The following ANO4 variants were observed in gnomAD, a reference collection of about 807,000 sequenced individuals.
ANO4 encodes the protein anoctamin 4.
Under a neutral mutation model 141.9 loss-of-function variants are expected in ANO4, and 69 were observed. That is an observed-to-expected ratio of 0.49 (90% CI 0.40 to 0.59). The LOEUF (loss-of-function observed/expected upper bound fraction) is 0.59. ANO4 is among the 20% of genes least tolerant of loss of function. The pLI is 0.00. For synonymous variants in ANO4, 350 were observed against 394.3 expected, an observed-to-expected ratio of 0.89 and a Z score of 1.33; for missense variants, 894 against 1,162.2, an observed-to-expected ratio of 0.77 and a Z score of 3.36.
chr12:101,079,691 GC>G (rs2049167787), intron 15 of ANO4, among the ~76,000 whole-genome samples: 1 of 152,174 alleles, frequency 6.6e-6, no homozygotes, highest in East Asian at 1.9e-4. Context: ...CCAGGACCGT[GC>G]CCAGGTGTGC....
rs139138626 is a variant in ANO4 at position 100,884,815 on chromosome 12, C to T, written c.-140-16831C>T. On this transcript the variant is annotated intron_variant, in intron 1 of 27. Transcript: ENST00000392977. ...ATTCAAGCGATTCTCCCGCCTCAGC[C>T]CCCCGAGTAGCTGGGATTACAGGCA... Among the ~76,000 whole-genome samples the T allele has an allele frequency of 3.6e-3, 546 of 152,314 alleles. 7 individuals are homozygous for T. Among genetic ancestry groups the T allele is most frequent in the African/African-American group, 0.012 (510 of 41,576 alleles).
chr12:101,065,469 G>T (rs2048541650), intron 14 of ANO4, among the ~76,000 whole-genome samples: 1 of 152,070 alleles, frequency 6.6e-6, no homozygotes, highest in South Asian at 2.1e-4. Flanking sequence ...ATTATTAGAG[G>T]ATACTATGAG....
chr12:100,787,089 A>G (rs1487393727), intron 3 of ANO4, among the ~76,000 whole-genome samples: 1 of 152,192 alleles, frequency 6.6e-6, no homozygotes, highest in Non-Finnish European at 1.5e-5. Context: ...GAGAGAGTTT[A>G]TCTCTTGGGA....
At chr12:100,905,545 A>G (rs992926362) in intron 2 of ANO4, among the ~76,000 whole-genome samples, 5 of 152,198 alleles carry the variant, frequency 3.3e-5, no homozygotes, top group East Asian at 1.9e-4. Context: ...GTGGAGGTCA[A>G]TGGTGATTTT....
chr12:100,788,271 A>G (rs1332164532), intron 3 of ANO4, among the ~76,000 whole-genome samples: 1 of 152,206 alleles, frequency 6.6e-6, no homozygotes, highest in Non-Finnish European at 1.5e-5. Context: ...CTTGGACCAG[A>G]TCGATTTTAA....
At chr12:101,014,476 G>A (rs1298325084) in intron 8 of ANO4, among the ~76,000 whole-genome samples, 1 of 152,140 alleles carries the variant, frequency 6.6e-6, no homozygotes. Flanking sequence ...TCATGAGCAG[G>A]CCAGCAAGGT....
At chr12:101,048,272 C>T (rs2136657824) in intron 13 of ANO4, 69 bp from the exon 14 acceptor site, 3 of 1,522,024 alleles carry the variant, frequency 2.0e-6, no homozygotes, top group Non-Finnish European at 2.7e-6. Flanking sequence ...TTTTACAGAA[C>T]TTGAAAAAAT....
intron 14 of ANO4, among the ~76,000 whole-genome samples, chr12:101,062,736 C>A (rs1243555009): frequency 1.3e-5 from 2 of 152,192 alleles, no homozygotes; most frequent in African/African-American, 2.4e-5. Flanking sequence ...CCCCTCCCCC[C>A]ACCAAGCTTG....
At chr12:100,969,084 C>CT (rs1276251218) in intron 5 of ANO4, among the ~76,000 whole-genome samples, 1 of 152,216 alleles carries the variant, frequency 6.6e-6, no homozygotes, top group African/African-American at 2.4e-5. Flanking sequence ...AGTGTTCACT[C>CT]TAAGAGTCAC....
chr12:100,907,319 T>G (rs1354228), intron 2 of ANO4, among the ~76,000 whole-genome samples: 86,595 of 152,010 alleles, frequency 0.57, 25,632 homozygotes, highest in East Asian at 0.89. Context: ...TCCTCTCTCA[T>G]CTTGGAATAT....
chr12:101,014,033 G>T (rs2046212399), intron 8 of ANO4, among the ~76,000 whole-genome samples: 1 of 152,186 alleles, frequency 6.6e-6, no homozygotes, highest in South Asian at 2.1e-4. Flanking sequence ...TGTTATCTAT[G>T]AAGGTGTAGG....
chr12:100,768,406 T>G (rs2033173213), intron 3 of ANO4, among the ~76,000 whole-genome samples: 1 of 152,236 alleles, frequency 6.6e-6, no homozygotes, highest in Non-Finnish European at 1.5e-5. Flanking sequence ...ATTCCTTGAC[T>G]CTTGTGAAGG....
chr12:100,989,870 AGATGGATG>A (rs569415039), intron 8 of ANO4, among the ~76,000 whole-genome samples: 2 of 136,926 alleles, frequency 1.5e-5, no homozygotes, highest in Non-Finnish European at 3.1e-5. Flanking sequence ...ATAGGTCACC[AGATGGATG>A]GATGGATGGA....
chr12:100,831,174 A>G (rs1281843763), intron 1 of ANO4, among the ~76,000 whole-genome samples: 1 of 152,048 alleles, frequency 6.6e-6, no homozygotes, highest in Non-Finnish European at 1.5e-5. Flanking sequence ...GTACTGGATG[A>G]CTTTTCCTTG....
At chr12:100,873,610 C>T (rs1419992750) in intron 1 of ANO4, among the ~76,000 whole-genome samples, 2 of 152,140 alleles carry the variant, frequency 1.3e-5, no homozygotes, top group Non-Finnish European at 1.5e-5. Context: ...GGTGTGGCTG[C>T]TTCTAGCAGC....
chr12:100,981,598 T>C (rs1313900310), intron 7 of ANO4, among the ~76,000 whole-genome samples: 1 of 152,206 alleles, frequency 6.6e-6, no homozygotes, highest in Non-Finnish European at 1.5e-5. Flanking sequence ...GATGCTATTA[T>C]TATAATATTC....
intron 1 of ANO4, among the ~76,000 whole-genome samples, chr12:100,728,477 C>T (rs987557360): frequency 2.0e-5 from 3 of 152,142 alleles, no homozygotes; most frequent in African/African-American, 7.2e-5. Context: ...CTGTCTTTGC[C>T]TCTGCTCTCA....
chr12:100,747,531 G>A (rs12828806), intron 3 of ANO4, among the ~76,000 whole-genome samples: 28,965 of 152,102 alleles, frequency 0.19, 3,207 homozygotes, highest in Non-Finnish European at 0.25. Flanking sequence ...CTCCTTCTCC[G>A]GCCTCACCAT....
chr12:100,892,488 G>T (rs1432549659), intron 1 of ANO4, among the ~76,000 whole-genome samples: 3 of 152,116 alleles, frequency 2.0e-5, no homozygotes, highest in Non-Finnish European at 4.4e-5. Flanking sequence ...CAAAATCAAC[G>T]TAACAGAAGT....
Sources: gnomAD v4.1 joint callset for allele counts (sites outside exome capture counted in the v4.1 genomes callset) on GRCh38, gnomAD v4.1.1 for gene constraint, MANE v1.5 for transcripts, NCBI Gene and HGNC (gene_info 2026-07-23, HGNC 2026-07-21) for gene names.